The following KCNN2 variants were observed in gnomAD, a reference collection of about 807,000 sequenced individuals.
KCNN2 encodes the protein small conductance calcium-activated potassium channel protein 2.
In KCNN2, 24 loss-of-function variants were observed where a neutral mutation model predicts 55.5. The observed-to-expected ratio is 0.43, with a 90% CI of 0.31 to 0.61. KCNN2 has a LOEUF of 0.61. Among genes scored for constraint, KCNN2 ranks in the 20% least tolerant of loss-of-function variants. The pLI, the probability that KCNN2 is intolerant of heterozygous loss-of-function variation, is 0.08. For synonymous variants in KCNN2, 431 were observed against 336.1 expected (o/e 1.28, Z -3.09); for missense variants, 754 against 853.6 (o/e 0.88, Z 1.45).
At chr5:114,465,055 G>A (rs1171914404) in intron 4 of KCNN2, among the ~76,000 whole-genome samples, 1 of 152,010 alleles carries the variant, frequency 6.6e-6, no homozygotes, top group Non-Finnish European at 1.5e-5. Context: ...GTTACTTTTT[G>A]TCAAGATGGT....
intron 5 of KCNN2, among the ~76,000 whole-genome samples, chr5:114,477,945 G>A (rs1317724252): frequency 2.0e-5 from 3 of 152,046 alleles, no homozygotes; most frequent in African/African-American, 7.2e-5. Context: ...TCTTAACAAG[G>A]GAACAGAAAT....
chr5:114,448,541 A>T (rs1760513447), intron 3 of KCNN2, among the ~76,000 whole-genome samples: 1 of 152,212 alleles, frequency 6.6e-6, no homozygotes, highest in East Asian at 1.9e-4. Flanking sequence ...GGAAAATTTA[A>T]CTGGTAAACC....
chr5:114,224,484 C>T (rs1754203300), intron 2 of KCNN2, among the ~76,000 whole-genome samples: 1 of 152,202 alleles, frequency 6.6e-6, no homozygotes, highest in South Asian at 2.1e-4. Flanking sequence ...GATTCTAAAT[C>T]TTAATTATGT....
intron 7 of KCNN2, among the ~76,000 whole-genome samples, chr5:114,494,224 T>A (rs1748001594): frequency 6.7e-6 from 1 of 149,934 alleles, no homozygotes; most frequent in African/African-American, 2.4e-5. Flanking sequence ...CCAAATGCTT[T>A]GAAAGAGGCA....
intron 2 of KCNN2, among the ~76,000 whole-genome samples, chr5:114,278,630 G>T (rs186953217): frequency 1.4e-4 from 22 of 152,314 alleles, no homozygotes; most frequent in African/African-American, 5.3e-4. Flanking sequence ...TCAGACTTCT[G>T]CACTAGCAGT....
At chr5:114,211,396 T>C (rs1358854137) in intron 1 of KCNN2, among the ~76,000 whole-genome samples, 1 of 152,072 alleles carries the variant, frequency 6.6e-6, no homozygotes, top group Non-Finnish European at 1.5e-5. Context: ...AAGAATGAGA[T>C]CATGACCTTT....
At position 114,340,027 on chromosome 5, in the gene KCNN2, A is replaced by C. The variant is rs114924003; in HGVS notation, c.-184-20918A>C. On this transcript the variant is annotated intron_variant, in intron 2 of 10. Transcript: ENST00000512097. ...AAAAATGAAAAACTTGCCTATGGATATATGACTCAAGTCAGGATTTGAATT... is the reference window on the plus strand; with the variant it reads ...AAAAATGAAAAACTTGCCTATGGATCTATGACTCAAGTCAGGATTTGAATT... 5.3e-3 allele frequency among the ~76,000 whole-genome samples: 804 copies of C among 152,282 alleles called. 5 individuals are homozygous for C. Among genetic ancestry groups the C allele is most frequent in the Non-Finnish European group, 8.8e-3 (600 of 68,016 alleles).
chr5:114,492,034 T>C (rs950553181), intron 6 of KCNN2, among the ~76,000 whole-genome samples: 2 of 152,188 alleles, frequency 1.3e-5, no homozygotes, highest in East Asian at 3.9e-4. Flanking sequence ...GCCAATTAAC[T>C]TCGTTCCAGC....
chr5:114,492,716 A>G (rs1047023920), intron 6 of KCNN2, among the ~76,000 whole-genome samples: 3 of 152,148 alleles, frequency 2.0e-5, no homozygotes, highest in Non-Finnish European at 4.4e-5. Context: ...GCCAGATACT[A>G]TAATTGTCCT....
intron 2 of KCNN2, among the ~76,000 whole-genome samples, chr5:114,322,472 A>C (rs1436891744): frequency 6.6e-6 from 1 of 152,306 alleles, no homozygotes; most frequent in South Asian, 2.1e-4. Flanking sequence ...CACTAATTAC[A>C]GTTCAAAGAT....
intron 3 of KCNN2, among the ~76,000 whole-genome samples, chr5:114,457,619 A>G (rs1354330341): frequency 6.6e-6 from 1 of 152,140 alleles, no homozygotes; most frequent in African/African-American, 2.4e-5. Context: ...CACTTCACAT[A>G]GATGAGTTTT....
At chr5:114,471,903 T>C (rs1020326072) in intron 4 of KCNN2, among the ~76,000 whole-genome samples, 1 of 152,172 alleles carries the variant, frequency 6.6e-6, no homozygotes, top group Admixed American at 6.5e-5. Flanking sequence ...CAGCAACTCA[T>C]TGAGTAAGCC....
intron 1 of KCNN2, among the ~76,000 whole-genome samples, chr5:114,112,588 G>A (rs995004138): frequency 1.3e-5 from 2 of 151,994 alleles, no homozygotes; most frequent in African/African-American, 4.8e-5. Flanking sequence ...TTGGGCCTGA[G>A]ATACTTTTTG....
At chr5:114,210,672 T>G (rs1363949039) in intron 1 of KCNN2, among the ~76,000 whole-genome samples, 1 of 152,122 alleles carries the variant, frequency 6.6e-6, no homozygotes, top group Non-Finnish European at 1.5e-5. Context: ...AAATTTAAAT[T>G]TGAGAGGCAT....
intron 3 of KCNN2, among the ~76,000 whole-genome samples, chr5:114,408,454 A>C (rs1580800731): frequency 1.3e-5 from 2 of 152,170 alleles, no homozygotes; most frequent in Middle Eastern, 6.8e-3. Flanking sequence ...TTGAGGGATT[A>C]ACGTTTTCTT....
intron 1 of KCNN2, among the ~76,000 whole-genome samples, chr5:114,077,024 G>A (rs1750697793): frequency 6.6e-6 from 1 of 152,068 alleles, no homozygotes. Context: ...TAAATGAAAA[G>A]CCTAAGGTAT....
At chr5:114,466,150 A>G (rs1232768991) in intron 4 of KCNN2, among the ~76,000 whole-genome samples, 2 of 151,938 alleles carry the variant, frequency 1.3e-5, no homozygotes, top group Non-Finnish European at 2.9e-5. Context: ...CTAATAGAAG[A>G]AATAAAAGAA....
At chr5:114,243,460 C>T (rs1754684193) in intron 2 of KCNN2, among the ~76,000 whole-genome samples, 1 of 143,778 alleles carries the variant, frequency 7.0e-6, no homozygotes, top group Non-Finnish European at 1.5e-5. Context: ...CCATCTTGCC[C>T]CGTACCTGAA....
At chr5:114,314,475 C>T (rs1417334324) in intron 2 of KCNN2, among the ~76,000 whole-genome samples, 1 of 152,052 alleles carries the variant, frequency 6.6e-6, no homozygotes, top group African/African-American at 2.4e-5. Context: ...TTACCTATTC[C>T]TCTTTTCCCC....
Sources: allele counts gnomAD v4.1 joint callset (sites outside exome capture counted in the v4.1 genomes callset), GRCh38; gene constraint gnomAD v4.1.1; transcripts MANE v1.5; gene names NCBI Gene and HGNC (gene_info 2026-07-23, HGNC 2026-07-21).